Variants in CCDC92B observed in about 807,000 individuals in gnomAD.
CCDC92B encodes the protein coiled-coil domain-containing 92B.
CCDC92B carries 2 observed loss-of-function variants against 5.6 expected under a neutral mutation model. The observed-to-expected ratio is 0.36, with a 90% confidence interval of 0.15 to 1.12. The LOEUF (loss-of-function observed/expected upper bound fraction) is 1.12, where lower values mean the gene tolerates loss of function less well. Ranked by LOEUF, CCDC92B falls within the 50% of genes most tolerant of loss-of-function variation. The probability of loss-of-function intolerance (pLI) is 0.40; values close to 1 mark genes in which losing one functional copy is unlikely to be tolerated. For missense variants in CCDC92B, 271 were observed against 262.2 expected (o/e 1.03, Z -0.23); for synonymous variants, 115 against 122.3 (o/e 0.94, Z 0.39).
intron 1 of CCDC92B, among the ~76,000 whole-genome samples, chr17:2,737,868 A>T (rs1313133231): frequency 6.6e-6 from 1 of 151,906 alleles, no homozygotes; most frequent in Non-Finnish European, 1.5e-5. Context: ...TGTTCAGGGA[A>T]CATTATACAC....
intron 3 of CCDC92B, among the ~76,000 whole-genome samples, chr17:2,725,495 G>C (rs1011695017): frequency 3.3e-5 from 5 of 151,538 alleles, no homozygotes; most frequent in Non-Finnish European, 7.4e-5. Flanking sequence ...GGCCTTCCTT[G>C]TTCCGCCCTC....
chr17:2,745,260 CTG>C (rs928375676), intron 1 of CCDC92B, among the ~76,000 whole-genome samples: 42 of 152,074 alleles, frequency 2.8e-4, no homozygotes, highest in Non-Finnish European at 4.9e-4. Flanking sequence ...CTCTTTGCTG[CTG>C]TGTGTCTGCT....
intron 2 of CCDC92B, among the ~76,000 whole-genome samples, chr17:2,733,306 C>T (rs908055435): frequency 2.7e-4 from 40 of 148,736 alleles, no homozygotes; most frequent in African/African-American, 8.7e-4. Context: ...GTTGCCCAGG[C>T]TGGAGTGCAA....
rs531815126 is a variant in CCDC92B at position 2,749,601 on chromosome 17, G to C, written c.-214C>G. ...TCCGGGGGGCTCGGGGGCGCCGAAG[G>C]GGGGTCGGGGGCGGGCTCGAGGCGT... On this transcript the variant is annotated 5_prime_UTR_variant, in exon 1 of 4. Coordinates refer to ENST00000614400, the MANE Select transcript of CCDC92B (RefSeq NM_001355573.2). The C allele has an allele frequency of 8.5e-4, 128 of 150,578 alleles. No homozygotes were observed. The highest frequency in any genetic ancestry group is 2.3e-3 in the African/African-American group (94 of 41,122). 9.3% of individuals were successfully genotyped at this position (150,578 alleles called of 1,614,324 possible). A position where few individuals can be genotyped will look rare whatever the true frequency, so the allele number is the denominator to read the frequency against.
At chr17:2,748,220 C>T in intron 1 of CCDC92B, 1 of 629,238 alleles carries the variant, frequency 1.6e-6, no homozygotes, top group Non-Finnish European at 2.8e-6. Context: ...GTAGCCAGGC[C>T]ATCCCCTCAC....
In CCDC92B at chr17:2,724,511, C is replaced by G. The variant is rs2070700436; in HGVS notation, c.668G>C (p.Ser223Thr). 21 of 982,586 alleles carry G rather than the reference C, an allele frequency of 2.1e-5. No homozygotes were observed. Among genetic ancestry groups the G allele is most frequent in the Non-Finnish European group, 2.5e-5 (21 of 828,716 alleles). 60.9% of individuals were successfully genotyped at this position (982,586 alleles called of 1,614,324 possible). The change falls in exon 4 of 4, where the codon AGC becomes ACC. Residue 223 changes from serine to threonine, a missense_variant. Transcript: ENST00000614400. The surrounding 1 kb of genome is among the most constrained non-coding windows in gnomAD (Gnocchi z 5.0). ...AGGCGGCTGGCGCGGGCTGCGGGCG[C>G]TGGGCCGCAGCGGCCTGCGTGCATA... The part of the protein sequence containing the change: ...FLYARRPLRP[S>T]ARSPRQPPPQ...
chr17:2,730,570 A>T (rs80009791), intron 2 of CCDC92B, 77 bp from the exon 3 acceptor site: 14,312 of 424,190 alleles, frequency 0.034, 348 homozygotes, highest in African/African-American at 0.12. Context: ...TGTGAGAGAG[A>T]GAGAGAGAGA....
chr17:2,742,410 T>G (rs2070935505), intron 1 of CCDC92B, among the ~76,000 whole-genome samples: 1 of 152,112 alleles, frequency 6.6e-6, no homozygotes, highest in South Asian at 2.1e-4. Context: ...GATGGTGGCC[T>G]GGATGAGATG....
rs895059782 is a variant in CCDC92B at position 2,724,744 on chromosome 17, G to C, written c.435C>G (p.His145Gln). The change falls in exon 4 of 4, where the codon CAC becomes CAG. Residue 145 changes from histidine (H) to glutamine (Q), a missense_variant. Physicochemically the swap from His to Gln is conservative, Grantham distance 24. Coordinates refer to ENST00000614400, the MANE Select transcript of CCDC92B (RefSeq NM_001355573.2). The surrounding 1 kb of genome is among the most constrained non-coding windows in gnomAD (Gnocchi z 5.0). ...EAAAYLSCQL[H>Q]AARQRLQAPR... is the part of the protein sequence containing the mutation. Reference sequence around the variant, plus strand: ...GGGCCTGCAGTCTCTGGCGCGCCGCGTGCAGCTGGCAGGAGAGGTAGGCGG... The same window carrying C: ...GGGCCTGCAGTCTCTGGCGCGCCGCCTGCAGCTGGCAGGAGAGGTAGGCGG... 2.0e-6 allele frequency: 2 copies of C among 983,020 alleles called. No individual in the cohort carries two copies. The highest frequency in any genetic ancestry group is 9.2e-5 in the South Asian group (2 of 21,736). 60.9% of individuals were successfully genotyped at this position (983,020 alleles called of 1,614,324 possible). A position where few individuals can be genotyped will look rare whatever the true frequency, so the allele number is the denominator to read the frequency against.
intron 1 of CCDC92B, among the ~76,000 whole-genome samples, chr17:2,741,277 C>G (rs1001905951): frequency 3.9e-5 from 6 of 152,040 alleles, no homozygotes; most frequent in African/African-American, 1.5e-4. Flanking sequence ...GTCTGAGAAA[C>G]AGACATTGCC....
chr17:2,728,458 G>T (rs978129980), intron 3 of CCDC92B, among the ~76,000 whole-genome samples: 10 of 151,830 alleles, frequency 6.6e-5, no homozygotes, highest in East Asian at 1.9e-4. Flanking sequence ...TACAAAAAAT[G>T]AGCCGGGCGT....
chr17:2,740,172 T>C (rs1442832125), intron 1 of CCDC92B, among the ~76,000 whole-genome samples: 1 of 152,028 alleles, frequency 6.6e-6, no homozygotes, highest in African/African-American at 2.4e-5. Flanking sequence ...TCCAGGACGG[T>C]CCCCAAGATT....
rs1230758259 is a variant in CCDC92B, at chr17:2,724,292, G to C, written c.*119C>G. 4 of 985,148 alleles carry C rather than the reference G, an allele frequency of 4.1e-6. No homozygotes were observed. The African/African-American group carries it at 7.0e-5, about 17-fold the overall frequency. The allele number at this position is 985,148 out of a possible 1,614,324, so 61.0% of individuals were successfully genotyped here. A position where few individuals can be genotyped will look rare whatever the true frequency, so the allele number is the denominator to read the frequency against. On this transcript the variant is annotated 3_prime_UTR_variant, in exon 4 of 4. Coordinates refer to ENST00000614400, the MANE Select transcript of CCDC92B (RefSeq NM_001355573.2). This position sits in a 1 kb window ranked among gnomAD's most constrained non-coding sequence, Gnocchi z 5.0. ...ATTTGGGGGGAGCCGGGGCCGCCTC[G>C]CCCCGCTTCCTGGAGGAGGGGCGGC... is the stretch of plus-strand genomic sequence containing the variant.
At chr17:2,728,035 C>G (rs1466245224) in intron 3 of CCDC92B, among the ~76,000 whole-genome samples, 1 of 151,522 alleles carries the variant, frequency 6.6e-6, no homozygotes. Context: ...TTCTCAAAGC[C>G]CATTGAAAGA....
intron 3 of CCDC92B, among the ~76,000 whole-genome samples, chr17:2,728,311 C>CAA (rs11340880): frequency 3.0e-5 from 4 of 135,072 alleles, no homozygotes; most frequent in Admixed American, 7.4e-5. Context: ...GAGTATGTCT[C>CAA]AAAAAAAAAA....
chr17:2,743,414 G>A (rs1314994674), intron 1 of CCDC92B, among the ~76,000 whole-genome samples: 1 of 152,242 alleles, frequency 6.6e-6, no homozygotes, highest in East Asian at 1.9e-4. Context: ...CTGGGTGACA[G>A]AGCGAGACTC....
At chr17:2,736,904 A>G (rs1027316447) in intron 1 of CCDC92B, among the ~76,000 whole-genome samples, 1 of 151,180 alleles carries the variant, frequency 6.6e-6, no homozygotes, top group Non-Finnish European at 1.5e-5. Flanking sequence ...ATAAATAAAT[A>G]AATAAATAAA....
chr17:2,732,810 G>A (rs1321846251), intron 2 of CCDC92B, among the ~76,000 whole-genome samples: 1 of 151,698 alleles, frequency 6.6e-6, no homozygotes, highest in African/African-American at 2.4e-5. Flanking sequence ...TCAGGAGATC[G>A]AGACCATCCT....
At chr17:2,742,926 T>C (rs544403381) in intron 1 of CCDC92B, among the ~76,000 whole-genome samples, 1 of 152,350 alleles carries the variant, frequency 6.6e-6, no homozygotes, top group South Asian at 2.1e-4. Context: ...TCTTTCTTTA[T>C]ATTCCATAGT....
Sources: gnomAD v4.1 joint callset for allele counts (sites outside exome capture counted in the v4.1 genomes callset) on GRCh38, gnomAD v4.1.1 for gene constraint, Gnocchi (gnomAD v3.1) non-coding constraint, MANE v1.5 for transcripts, NCBI Gene and HGNC (gene_info 2026-07-23, HGNC 2026-07-21) for gene names.